PTPRD: variants seen among roughly 807,000 people sequenced by gnomAD.
PTPRD encodes the protein protein tyrosine phosphatase receptor type D.
PTPRD carries 34 observed loss-of-function variants against 214.5 expected under a neutral mutation model. That is an observed-to-expected ratio of 0.16 (90% CI 0.12 to 0.21). The LOEUF (loss-of-function observed/expected upper bound fraction) is 0.21, where lower values mean the gene tolerates loss of function less well. Among genes scored for constraint, PTPRD ranks in the 10% least tolerant of loss-of-function variants. The pLI is 1.00. For missense variants in PTPRD, 2,545 were observed against 2,398.7 expected (o/e 1.06, Z -1.27); for synonymous variants, 1,128 against 845.7 (o/e 1.33, Z -5.79).
At chr9:9,648,408 T>G (rs141384026) in intron 7 of PTPRD, among the ~76,000 whole-genome samples, 10 of 152,316 alleles carry the variant, frequency 6.6e-5, no homozygotes, top group Non-Finnish European at 1.3e-4. Context: ...TAAAGTATGG[T>G]CATAACGTTC....
intron 12 of PTPRD, among the ~76,000 whole-genome samples, chr9:8,677,710 G>C (rs1163095645): frequency 1.3e-5 from 2 of 152,124 alleles, no homozygotes; most frequent in African/African-American, 4.8e-5. Context: ...TCAGAAACCA[G>C]CAAGGCATAA....
At chr9:9,381,364 T>A (rs1223776493) in intron 9 of PTPRD, among the ~76,000 whole-genome samples, 3 of 139,932 alleles carry the variant, frequency 2.1e-5, no homozygotes, top group Non-Finnish European at 4.7e-5. Flanking sequence ...TTATGCTTTT[T>A]TTTTTTATTT....
intron 11 of PTPRD, among the ~76,000 whole-genome samples, chr9:8,909,142 C>G (rs1055526390): frequency 2.0e-5 from 3 of 151,826 alleles, no homozygotes; most frequent in Admixed American, 6.6e-5. Flanking sequence ...AATTAAAAAT[C>G]TTCTCATAAA....
At chr9:9,177,759 A>G (rs972706930) in intron 10 of PTPRD, among the ~76,000 whole-genome samples, 7 of 152,148 alleles carry the variant, frequency 4.6e-5, no homozygotes, top group Non-Finnish European at 7.4e-5. Flanking sequence ...AGAGGCCGCT[A>G]TTTATAGTAG....
chr9:9,848,806 GA>G (rs979583857), intron 5 of PTPRD, among the ~76,000 whole-genome samples: 1 of 151,830 alleles, frequency 6.6e-6, no homozygotes, highest in Non-Finnish European at 1.5e-5. Flanking sequence ...TTTCTTGTAA[GA>G]AAAAAACTAA....
At chr9:10,057,404 T>G (rs2097673882) in intron 3 of PTPRD, among the ~76,000 whole-genome samples, 1 of 152,166 alleles carries the variant, frequency 6.6e-6, no homozygotes, top group Admixed American at 6.6e-5. Context: ...GCCCAGAGTT[T>G]AACAGCAGCA....
chr9:9,655,002 T>TAG (rs1564346559), intron 7 of PTPRD, among the ~76,000 whole-genome samples: 2 of 146,874 alleles, frequency 1.4e-5, no homozygotes, highest in African/African-American at 5.3e-5. Context: ...CATATATATA[T>TAG]ATAGATATAG....
chr9:9,451,949 C>A (rs1005136157), intron 8 of PTPRD, among the ~76,000 whole-genome samples: 2 of 151,272 alleles, frequency 1.3e-5, no homozygotes, highest in African/African-American at 2.4e-5. Context: ...AAAGTTATGT[C>A]TCTTTGAATT....
intron 14 of PTPRD, among the ~76,000 whole-genome samples, chr9:8,555,358 G>C (rs2083411482): frequency 6.6e-6 from 1 of 152,112 alleles, no homozygotes. Flanking sequence ...AGTAAGCTGT[G>C]ACTGCGCCAC....
intron 10 of PTPRD, among the ~76,000 whole-genome samples, chr9:9,087,889 T>A (rs1030227273): frequency 7.4e-6 from 1 of 134,748 alleles, no homozygotes; most frequent in African/African-American, 2.8e-5. Context: ...TTTTTTTTTT[T>A]TTTTTTTTTT....
rs142148233 is a variant in PTPRD, at chr9:9,338,266, A to T, written c.-203+59183T>A. Among the ~76,000 whole-genome samples the T allele has an allele frequency of 1.5e-4, 23 of 152,318 alleles. No homozygotes were observed. In the East Asian group the frequency reaches 4.4e-3, roughly 29 times the overall value. Reference sequence around the variant, plus strand: ...CAAGGTTTAACAGAATGTAGGCTTAATAGTCTATTCCATGTTAGGAATTCC... The same window carrying T: ...CAAGGTTTAACAGAATGTAGGCTTATTAGTCTATTCCATGTTAGGAATTCC... On this transcript the variant is annotated intron_variant, in intron 9 of 45. Transcript: ENST00000381196.
chr9:10,048,818 A>T lies in PTPRD; in HGVS notation c.-544-15028T>A, dbSNP rs148603230. 2.1e-3 allele frequency among the ~76,000 whole-genome samples: 324 copies of T among 152,214 alleles called. 1 individual carries two copies. The highest frequency in any genetic ancestry group is 7.5e-3 in the African/African-American group (313 of 41,540). Reference sequence around the variant, plus strand: ...AAGTGTTTCTTTCACTAAAATGCTAACAATTCATAGTAACTTAAATGGTAA... The same window carrying T: ...AAGTGTTTCTTTCACTAAAATGCTATCAATTCATAGTAACTTAAATGGTAA... On this transcript the variant is annotated intron_variant, in intron 3 of 45. Transcript: ENST00000381196.
intron 11 of PTPRD, among the ~76,000 whole-genome samples, chr9:8,791,013 A>T (rs2154507843): frequency 6.6e-6 from 1 of 152,292 alleles, no homozygotes; most frequent in Middle Eastern, 3.4e-3. Context: ...TATAGCCAAT[A>T]AAGACTCACA....
intron 7 of PTPRD, among the ~76,000 whole-genome samples, chr9:9,701,638 G>A (rs1232537386): frequency 3.3e-5 from 5 of 152,172 alleles, no homozygotes; most frequent in Non-Finnish European, 5.9e-5. Context: ...GAAAGACCTT[G>A]CAGAGGAAAA....
intron 35 of PTPRD, among the ~76,000 whole-genome samples, chr9:8,412,320 G>A (rs1011011698): frequency 6.6e-6 from 1 of 152,172 alleles, no homozygotes; most frequent in African/African-American, 2.4e-5. Context: ...ATATTATTGA[G>A]TATAGGTAAC....
chr9:10,204,702 G>C (rs941729843), intron 3 of PTPRD, among the ~76,000 whole-genome samples: 2 of 152,112 alleles, frequency 1.3e-5, no homozygotes, highest in Non-Finnish European at 2.9e-5. Context: ...AGGAAGATTT[G>C]ATTGGAAAAA....
intron 9 of PTPRD, among the ~76,000 whole-genome samples, chr9:9,329,673 C>T (rs1251743508): frequency 6.6e-6 from 1 of 152,120 alleles, no homozygotes; most frequent in Non-Finnish European, 1.5e-5. Flanking sequence ...TTACATGGAT[C>T]ACATAATTGT....
intron 11 of PTPRD, among the ~76,000 whole-genome samples, chr9:8,997,206 G>C (rs987837356): frequency 2.0e-5 from 3 of 152,052 alleles, no homozygotes; most frequent in Non-Finnish European, 4.4e-5. Context: ...ATAAATAAAA[G>C]TCAGATATAC....
intron 11 of PTPRD, among the ~76,000 whole-genome samples, chr9:8,895,672 C>T (rs1259440396): frequency 6.6e-6 from 1 of 152,132 alleles, no homozygotes; most frequent in African/African-American, 2.4e-5. Context: ...GTTTTTAATC[C>T]ATGTCACTTC....
Sources: allele counts gnomAD v4.1 joint callset (sites outside exome capture counted in the v4.1 genomes callset), GRCh38; gene constraint gnomAD v4.1.1; transcripts MANE v1.5; gene names NCBI Gene and HGNC (gene_info 2026-07-23, HGNC 2026-07-21).